The following FRYL variants were observed in gnomAD, a reference collection of about 807,000 sequenced individuals.
FRYL encodes the protein protein furry homolog-like.
FRYL carries 150 observed loss-of-function variants against 351.2 expected under a neutral mutation model. The observed-to-expected ratio is 0.43, with a 90% confidence interval of 0.37 to 0.49. The LOEUF (loss-of-function observed/expected upper bound fraction) is 0.49. FRYL is among the 20% of genes least tolerant of loss of function. FRYL has a pLI of 0.00. For missense variants in FRYL, 3,036 were observed against 3,619.3 expected (o/e 0.84, Z 4.13); for synonymous variants, 1,153 against 1,257.1 (o/e 0.92, Z 1.75).
intron 53 of FRYL, among the ~76,000 whole-genome samples, chr4:48,527,023 T>C (rs552197544): frequency 6.5e-4 from 99 of 152,278 alleles, no homozygotes; most frequent in African/African-American, 2.3e-3. Context: ...TATATGTATA[T>C]GTACATGAGA....
chr4:48,729,500 C>G (rs1770487351), intron 1 of FRYL, among the ~76,000 whole-genome samples: 1 of 152,178 alleles, frequency 6.6e-6, no homozygotes, highest in Non-Finnish European at 1.5e-5. Context: ...TGACAGACAC[C>G]TCATACAGGC....
intron 2 of FRYL, among the ~76,000 whole-genome samples, chr4:48,691,880 A>C (rs1194431289): frequency 6.6e-6 from 1 of 152,188 alleles, no homozygotes; most frequent in Non-Finnish European, 1.5e-5. Flanking sequence ...TATTTTATAA[A>C]TATATTATCT....
intron 7 of FRYL, among the ~76,000 whole-genome samples, chr4:48,614,850 G>A (rs1312116573): frequency 8.9e-6 from 1 of 112,554 alleles, no homozygotes; most frequent in African/African-American, 3.6e-5. Context: ...TTTTTGAGAC[G>A]GAGTCTCACT....
intron 53 of FRYL, among the ~76,000 whole-genome samples, chr4:48,525,108 C>T (rs1263755236): frequency 6.9e-6 from 1 of 143,934 alleles, no homozygotes; most frequent in Non-Finnish European, 1.5e-5. Context: ...TAGAAAATAT[C>T]AGTATGCACA....
intron 1 of FRYL, among the ~76,000 whole-genome samples, chr4:48,764,501 A>G (rs573656349): frequency 1.3e-5 from 2 of 151,892 alleles, no homozygotes; most frequent in African/African-American, 4.8e-5. Context: ...ACTGTGCTCC[A>G]GCCTGAACAA....
In FRYL at chr4:48,534,533, G is replaced by C; in HGVS notation, c.6705+12C>G. Reference sequence around the variant, plus strand: ...ATGAAAAATGTTATATGTAAGTTTTGTGGTCACTCACCTGTACATATTTGC... The same window carrying C: ...ATGAAAAATGTTATATGTAAGTTTTCTGGTCACTCACCTGTACATATTTGC... On this transcript the variant is annotated intron_variant, in intron 49 of 63. Transcript: ENST00000358350. 1 of 1,594,524 alleles carries C rather than the reference G, an allele frequency of 6.3e-7. No homozygotes were observed.
rs182304389 is a variant in FRYL at position 48,599,519 on chromosome 4, A to G, written c.1035+2501T>C. On this transcript the variant is annotated intron_variant, in intron 13 of 63. Transcript: ENST00000358350. The stretch of plus-strand genomic sequence containing the variant: ...CTTGAAATTCATCATATTTATTCTT[A>G]TGACTAGAGAGTAATGCCTTTTTAA... 1.7e-3 allele frequency among the ~76,000 whole-genome samples: 252 copies of G among 152,312 alleles called. 2 individuals carry two copies. The highest frequency in any genetic ancestry group is 5.8e-3 in the African/African-American group (243 of 41,572).
At chr4:48,540,110 C>A in intron 46 of FRYL, 42 bp from the exon 47 acceptor site, 1 of 1,442,016 alleles carries the variant, frequency 6.9e-7, no homozygotes, top group Non-Finnish European at 9.6e-7. Context: ...AATTTTATTG[C>A]ACATTATTTT....
chr4:48,586,981 T>C (rs1742229892), intron 18 of FRYL, among the ~76,000 whole-genome samples: 1 of 151,990 alleles, frequency 6.6e-6, no homozygotes, highest in Non-Finnish European at 1.5e-5. Flanking sequence ...ACAACCATTA[T>C]TACATAACAA....
chr4:48,569,114 A>T (rs1444065783), intron 27 of FRYL, among the ~76,000 whole-genome samples: 1 of 152,176 alleles, frequency 6.6e-6, no homozygotes, highest in Non-Finnish European at 1.5e-5. Flanking sequence ...AATACAGCAA[A>T]ATTTTGCAGT....
At chr4:48,523,405 A>ATTTCT in intron 53 of FRYL, 1 of 247,542 alleles carries the variant, frequency 4.0e-6, no homozygotes, top group Non-Finnish European at 7.8e-6. Flanking sequence ...TCTAATACAC[A>ATTTCT]AACATGAATG....
intron 3 of FRYL, among the ~76,000 whole-genome samples, chr4:48,645,124 T>TATATATATATATA (rs1756133820): frequency 1.2e-4 from 13 of 105,468 alleles, no homozygotes; most frequent in African/African-American, 2.5e-4. Flanking sequence ...AGCTTTCATT[T>TATATATATATATA]TATATATATA....
intron 28 of FRYL, among the ~76,000 whole-genome samples, chr4:48,566,780 A>C (rs1457711796): frequency 2.0e-5 from 3 of 152,230 alleles, no homozygotes; most frequent in African/African-American, 7.2e-5. Context: ...TAATCTTCCT[A>C]GTATCTAAAC....
intron 18 of FRYL, among the ~76,000 whole-genome samples, chr4:48,588,977 A>T (rs1742697971): frequency 2.0e-5 from 3 of 152,338 alleles, no homozygotes; most frequent in South Asian, 4.2e-4. Flanking sequence ...TTCCCAGAGG[A>T]AGTAACATTG....
At chr4:48,710,774 C>T in intron 1 of FRYL, 76 bp from the exon 2 acceptor site, 1 of 393,200 alleles carries the variant, frequency 2.5e-6, no homozygotes, top group Non-Finnish European at 4.5e-6. Context: ...TTAGCAGCTT[C>T]CGTATATCAC....
chr4:48,540,548 G>A lies in FRYL; in HGVS notation c.6100C>T (p.Pro2034Ser). 1 of 1,613,886 alleles carries A rather than the reference G, an allele frequency of 6.2e-7. No homozygotes were observed. Among genetic ancestry groups the A allele is most frequent in the Non-Finnish European group, 8.5e-7 (1 of 1,179,856 alleles). ...RLLNKLLIHLPLDKSESREKI... is the reference protein window; with the variant it reads ...RLLNKLLIHLSLDKSESREKI... Reference sequence around the variant, plus strand: ...TCTCGACTCTCTGATTTATCCAAAGGCAAATGGATAAGCAGTTTGTTGAGA... The same window carrying A: ...TCTCGACTCTCTGATTTATCCAAAGACAAATGGATAAGCAGTTTGTTGAGA... Residue 2034 changes from proline (P) to serine (S), a missense_variant, in exon 46 of 64, where the codon CCT (proline) becomes TCT (serine). Coordinates refer to ENST00000358350, the MANE Select transcript of FRYL (RefSeq NM_015030.2).
Position 48,778,333 on chromosome 4 carries a change from T to TAA in FRYL, c.-384+1743_-384+1744dup, listed in dbSNP as rs397993308. On this transcript the variant is annotated intron_variant, in intron 1 of 63. Coordinates refer to ENST00000358350, the MANE Select transcript of FRYL (RefSeq NM_015030.2). ...GCTTTAAAAAGTTGGACTGCTTTAATAAAAAAAAAAAAAACTGGGTCACAT... is the reference window on the plus strand; with the variant it reads ...GCTTTAAAAAGTTGGACTGCTTTAATAAAAAAAAAAAAAAAACTGGGTCACAT... Among the ~76,000 whole-genome samples, 682 of 143,706 alleles carry TAA rather than the reference T, an allele frequency of 4.7e-3. 1 individual carries two copies. Among genetic ancestry groups the TAA allele is most frequent in the South Asian group, 0.022 (104 of 4,632 alleles). 94.3% of individuals were successfully genotyped at this position (143,706 alleles called of 152,430 possible).
intron 55 of FRYL, among the ~76,000 whole-genome samples, chr4:48,516,620 C>T (rs1723674843): frequency 6.6e-6 from 1 of 152,098 alleles, no homozygotes; most frequent in Non-Finnish European, 1.5e-5. Flanking sequence ...AGCCTATAAC[C>T]CTAGACTAGC....
intron 1 of FRYL, among the ~76,000 whole-genome samples, chr4:48,773,576 G>GA (rs1386592971): frequency 1.3e-5 from 2 of 149,988 alleles, no homozygotes; most frequent in Non-Finnish European, 3.0e-5. Flanking sequence ...TTTCATAGGG[G>GA]AAAAAAAAAA....
Sources: allele counts gnomAD v4.1 joint callset (sites outside exome capture counted in the v4.1 genomes callset), GRCh38; gene constraint gnomAD v4.1.1; transcripts MANE v1.5; gene names NCBI Gene and HGNC (gene_info 2026-07-23, HGNC 2026-07-21).